DCDC1: variants seen among roughly 807,000 people sequenced by gnomAD.
The protein encoded by DCDC1 is doublecortin domain-containing protein 1.
A neutral mutation model predicts 178.3 loss-of-function variants in DCDC1; 200 were observed. That is an observed-to-expected ratio of 1.12 (90% confidence interval 1.00 to 1.26). The LOEUF (loss-of-function observed/expected upper bound fraction) is 1.26, where lower values mean the gene tolerates loss of function less well. Among genes scored for constraint, DCDC1 ranks in the 50% most tolerant of loss-of-function variants. The pLI is 0.00. For synonymous variants in DCDC1, 690 were observed against 604.8 expected (o/e 1.14, Z -2.07); for missense variants, 1,983 against 1,749.2 (o/e 1.13, Z -2.38).
At chr11:30,998,529 T>A (rs1951397123) in intron 20 of DCDC1, among the ~76,000 whole-genome samples, 1 of 108,034 alleles carries the variant, frequency 9.3e-6, no homozygotes, top group Non-Finnish European at 2.3e-5. Context: ...AATGGATATA[T>A]TTTCCTTGCA....
At chr11:30,957,209 A>C (rs1948820259) in intron 20 of DCDC1, among the ~76,000 whole-genome samples, 1 of 152,102 alleles carries the variant, frequency 6.6e-6, no homozygotes, top group Admixed American at 6.5e-5. Flanking sequence ...CTTCTGCATC[A>C]TTCCATATGC....
intron 9 of DCDC1, among the ~76,000 whole-genome samples, chr11:31,205,983 T>G (rs1971820206): frequency 6.6e-6 from 1 of 152,124 alleles, no homozygotes; most frequent in Admixed American, 6.6e-5. Context: ...AAATTAAAAA[T>G]TAAAAAATTA....
rs766267217 is a variant in DCDC1, at chr11:30,888,114, G to GAAAGAAAGAA, written c.5082+4694_5082+4703dup. On this transcript the variant is annotated intron_variant, in intron 36 of 38. Transcript: ENST00000684477. ...AAAGAAAGAAAAAGAAAGAAAGAAAGAAAGAAAGAAAGAAAGAAAGAAAGA... is the reference window on the plus strand; with the variant it reads ...AAAGAAAGAAAAAGAAAGAAAGAAAGAAAGAAAGAAAAAGAAAGAAAGAAAGAAAGAAAGA... Among the ~76,000 whole-genome samples the GAAAGAAAGAA allele has an allele frequency of 3.4e-3, 421 of 125,220 alleles. 6 individuals carry two copies. Among genetic ancestry groups the GAAAGAAAGAA allele is most frequent in the Middle Eastern group, 7.5e-3 (2 of 266 alleles). The allele number at this position is 125,220 out of a possible 152,430, so 82.1% of individuals were successfully genotyped here. A position where few individuals can be genotyped will look rare whatever the true frequency, so the allele number is the denominator to read the frequency against.
chr11:31,064,525 C>A lies in DCDC1; in HGVS notation c.2535G>T (p.Leu845=). 1.3e-6 allele frequency: 1 copy of A among 765,988 alleles called. No individual in the cohort carries two copies. Among genetic ancestry groups the A allele is most frequent in the Non-Finnish European group, 2.4e-6 (1 of 417,586 alleles). The allele number at this position is 765,988 out of a possible 1,614,324, so 47.4% of individuals were successfully genotyped here. A position where few individuals can be genotyped will look rare whatever the true frequency, so the allele number is the denominator to read the frequency against. The change falls in exon 20 of 39, where the codon CTG becomes CTT. Residue 845 remains leucine (L), a synonymous_variant. Transcript: ENST00000684477. ...CCAGTTTCCTCACCAGTGCTACTGT[C>A]AGCTCCCCCGTCTCCTCAAGAGAAC... ...PEGSLEETGE[L]TVALVRKLEE...
At chr11:31,194,314 C>A (rs1255882871) in intron 9 of DCDC1, among the ~76,000 whole-genome samples, 2 of 151,950 alleles carry the variant, frequency 1.3e-5, no homozygotes, top group African/African-American at 4.8e-5. Context: ...TTCTCCATAC[C>A]AAAATTTCTG....
intron 9 of DCDC1, among the ~76,000 whole-genome samples, chr11:31,169,770 T>C (rs1966981491): frequency 6.6e-6 from 1 of 152,182 alleles, no homozygotes; most frequent in African/African-American, 2.4e-5. Flanking sequence ...AAAGTAGTAC[T>C]TGTCATAAGA....
At chr11:31,090,981 G>C (rs1461090244) in intron 17 of DCDC1, among the ~76,000 whole-genome samples, 3 of 152,068 alleles carry the variant, frequency 2.0e-5, no homozygotes, top group Non-Finnish European at 1.5e-5. Context: ...TCCGTTACAA[G>C]CCAGCATTTT....
intron 8 of DCDC1, among the ~76,000 whole-genome samples, chr11:31,259,910 G>A (rs897133256): frequency 1.3e-5 from 2 of 152,144 alleles, no homozygotes; most frequent in African/African-American, 2.4e-5. Context: ...CAAACATAGG[G>A]TCCTGGAAAC....
chr11:31,303,466 G>A (rs1174822827), intron 6 of DCDC1, among the ~76,000 whole-genome samples: 1 of 151,888 alleles, frequency 6.6e-6, no homozygotes, highest in Non-Finnish European at 1.5e-5. Context: ...TTATTTTAAT[G>A]GTACACTTGT....
Position 31,238,998 on chromosome 11 carries a change from C to T in DCDC1, c.1221+2452G>A, listed in dbSNP as rs530895695. On this transcript the variant is annotated intron_variant, in intron 9 of 38. Transcript: ENST00000684477. Reference sequence around the variant, plus strand: ...GACTTTTCTTTTAAAGCTATATTATCGCAATTTATTTAAAATAAATTTCCT... The same window carrying T: ...GACTTTTCTTTTAAAGCTATATTATTGCAATTTATTTAAAATAAATTTCCT... Among the ~76,000 whole-genome samples the T allele has an allele frequency of 9.2e-5, 14 of 151,970 alleles. No individual in the cohort carries two copies. The East Asian group carries it at 2.1e-3, about 23-fold the overall frequency.
intron 6 of DCDC1, among the ~76,000 whole-genome samples, chr11:31,294,627 A>AGGGGGGGGGG (rs1565565976): frequency 5.6e-4 from 1 of 1,784 alleles, no homozygotes; most frequent in Non-Finnish European, 9.8e-4. Flanking sequence ...AGGGGAGGGG[A>AGGGGGGGGGG]GGGAGGGAAG....
chr11:31,362,715 C>T (rs1048656813), intron 1 of DCDC1, among the ~76,000 whole-genome samples: 2 of 152,114 alleles, frequency 1.3e-5, no homozygotes, highest in African/African-American at 4.8e-5. Flanking sequence ...AAAAGTAATA[C>T]TATGAATTGC....
rs1037459486 is a variant in DCDC1 at position 31,009,113 on chromosome 11, A to T, written c.2591+55356T>A. ...CAATGAGAATATATAACAAGACTTT[A>T]GTTTGTTTCAGGTGACATTATTTTC... On this transcript the variant is annotated intron_variant, in intron 20 of 38. Coordinates refer to ENST00000684477, the MANE Select transcript of DCDC1 (RefSeq NM_001387274.1). Among the ~76,000 whole-genome samples the T allele has an allele frequency of 3.9e-5, 6 of 152,180 alleles. No individual in the cohort carries two copies. In the East Asian group the frequency reaches 1.2e-3, roughly 29 times the overall value.
chr11:31,327,253 C>A (rs1038971915), intron 3 of DCDC1, among the ~76,000 whole-genome samples: 1 of 152,148 alleles, frequency 6.6e-6, no homozygotes, highest in Non-Finnish European at 1.5e-5. Flanking sequence ...ACCGCAACCT[C>A]CAGCTCCCGG....
At chr11:31,276,947 ATAT>A (rs1166458542) in intron 7 of DCDC1, among the ~76,000 whole-genome samples, 4 of 152,256 alleles carry the variant, frequency 2.6e-5, no homozygotes, top group South Asian at 4.1e-4. Context: ...AATTCTAATC[ATAT>A]TATTATTTTT....
At chr11:30,944,858 A>C (rs2134417587) in intron 21 of DCDC1, among the ~76,000 whole-genome samples, 1 of 152,258 alleles carries the variant, frequency 6.6e-6, no homozygotes, top group South Asian at 2.1e-4. Flanking sequence ...CTCCACACAA[A>C]AGCTACTGTT....
At chr11:31,360,024 T>G (rs1381287087) in intron 1 of DCDC1, among the ~76,000 whole-genome samples, 1 of 152,200 alleles carries the variant, frequency 6.6e-6, no homozygotes, top group Non-Finnish European at 1.5e-5. Flanking sequence ...ATACGCAATA[T>G]GTAAAAGTGC....
chr11:31,083,124 G>T (rs1230032447), intron 17 of DCDC1, among the ~76,000 whole-genome samples: 1 of 152,060 alleles, frequency 6.6e-6, no homozygotes, highest in East Asian at 1.9e-4. Context: ...ACCTAGTCCG[G>T]TAATGTTTGC....
At chr11:30,869,051 G>A (rs984873966) in intron 38 of DCDC1, among the ~76,000 whole-genome samples, 5 of 152,240 alleles carry the variant, frequency 3.3e-5, no homozygotes, top group Admixed American at 1.3e-4. Flanking sequence ...GTGAAAGGGG[G>A]TGACAAGTCT....
Sources: allele counts gnomAD v4.1 joint callset (sites outside exome capture counted in the v4.1 genomes callset), GRCh38; gene constraint gnomAD v4.1.1; transcripts MANE v1.5; gene names NCBI Gene and HGNC (gene_info 2026-07-23, HGNC 2026-07-21).